PLEKHG4B: variants seen among roughly 807,000 people sequenced by gnomAD.
PLEKHG4B encodes pleckstrin homology and RhoGEF domain containing G4B.
PLEKHG4B carries 111 observed loss-of-function variants against 121.3 expected under a neutral mutation model. The ratio of observed to expected loss-of-function variants is 0.92; its 90% CI spans 0.78 to 1.07. The LOEUF (loss-of-function observed/expected upper bound fraction) is 1.07. Among genes scored for constraint, PLEKHG4B ranks in the 50% least tolerant of loss-of-function variants. The pLI is 0.00. For synonymous variants in PLEKHG4B, 738 were observed against 725.0 expected, an observed-to-expected ratio of 1.02 and a Z score of -0.29; for missense variants, 1,831 against 1,757.8, an observed-to-expected ratio of 1.04 and a Z score of -0.74.
At chr5:115,033 A>G (rs987942619) in intron 2 of PLEKHG4B, among the ~76,000 whole-genome samples, 2 of 152,238 alleles carry the variant, frequency 1.3e-5, no homozygotes, top group Non-Finnish European at 1.5e-5. Flanking sequence ...GAGGTTTACA[A>G]TGTGCTTTGC....
At chr5:93,602 C>T (rs919828977) in intron 1 of PLEKHG4B, among the ~76,000 whole-genome samples, 10 of 152,324 alleles carry the variant, frequency 6.6e-5, no homozygotes, top group Middle Eastern at 3.4e-3. Context: ...AGGCTTGACC[C>T]CGCAGGCAGC....
chr5:179,195 CAT>C (rs1736858139), intron 18 of PLEKHG4B, among the ~76,000 whole-genome samples: 1 of 152,158 alleles, frequency 6.6e-6, no homozygotes, highest in African/African-American at 2.4e-5. Flanking sequence ...TTGTAAAAGG[CAT>C]ATGTTTGATT....
Position 172,953 on chromosome 5 carries a change from C to T in PLEKHG4B, c.4107C>T (p.Cys1369=), listed in dbSNP as rs201243812. 4.3e-4 allele frequency: 700 copies of T among 1,613,974 alleles called. 4 individuals carry two copies. Among genetic ancestry groups the T allele is most frequent in the Non-Finnish European group, 1.5e-4 (174 of 1,180,022 alleles). ...LRCRDEFIVC[C]GRKKYLRHVF... is the part of the protein sequence containing the mutation. ...GCCGGGATGAGTTTATCGTTTGCTG[C>T]GGGAGGAAGAAGTATCTGAGGCATG... The change falls in exon 17 of 20, where the codon TGC becomes TGT. Residue 1369 remains cysteine, a synonymous_variant. Coordinates refer to ENST00000637938, the MANE Select transcript of PLEKHG4B (RefSeq NM_052909.5).
intron 1 of PLEKHG4B, among the ~76,000 whole-genome samples, chr5:105,232 C>T (rs567809993): frequency 6.6e-6 from 1 of 152,248 alleles, no homozygotes; most frequent in Non-Finnish European, 1.5e-5. Context: ...CTCCATGAGG[C>T]TGATTCCCGT....
chr5:155,201 T>C, intron 8 of PLEKHG4B, 144 bp from the exon 9 acceptor site: 1 of 850,574 alleles, frequency 1.2e-6, no homozygotes, highest in Non-Finnish European at 1.9e-6. Flanking sequence ...GCCCCGGAAG[T>C]GTCTGTAGAT....
chr5:173,464 G>A (rs895249659), intron 17 of PLEKHG4B, among the ~76,000 whole-genome samples: 11 of 152,122 alleles, frequency 7.2e-5, no homozygotes, highest in Admixed American at 7.2e-4. Flanking sequence ...TGAGGGAGGG[G>A]AGGTCCCTCC....
rs771283448 is a variant in PLEKHG4B at position 156,936 on chromosome 5, C to T, written c.2487+25C>T. ...GGTCAGAGCTGCAGGAGGAAGGCGG[C>T]CCGGTCAGCATCCCCTCCAGGCCAG... On this transcript the variant is annotated intron_variant, in intron 11 of 19. Coordinates refer to ENST00000637938, the MANE Select transcript of PLEKHG4B (RefSeq NM_052909.5). This position sits in a 1 kb window ranked among gnomAD's most constrained non-coding sequence, Gnocchi z 4.4. The T allele has an allele frequency of 6.2e-7, 1 of 1,608,684 alleles. No individual in the cohort carries two copies. The highest frequency in any genetic ancestry group is 8.5e-7 in the Non-Finnish European group (1 of 1,178,178).
chr5:135,395 G>T (rs1450865390), intron 2 of PLEKHG4B, among the ~76,000 whole-genome samples: 1 of 151,058 alleles, frequency 6.6e-6, no homozygotes, highest in African/African-American at 2.4e-5. Flanking sequence ...GGCCGGGTGT[G>T]GTGGCTCACG....
chr5:110,309 C>T (rs1468506338), intron 1 of PLEKHG4B, among the ~76,000 whole-genome samples: 1 of 149,460 alleles, frequency 6.7e-6, no homozygotes, highest in Admixed American at 6.6e-5. Flanking sequence ...ATCTGCAACA[C>T]ACGTGCACGC....
chr5:163,053 C>A lies in PLEKHG4B; in HGVS notation c.2981C>A (p.Pro994His). 5 of 1,559,934 alleles carry A rather than the reference C, an allele frequency of 3.2e-6. No individual in the cohort carries two copies. Among genetic ancestry groups the A allele is most frequent in the Non-Finnish European group, 4.3e-6 (5 of 1,152,020 alleles). ...MRRHQKPPSFPSTDSGGGAWE... is the reference protein window; with the variant it reads ...MRRHQKPPSFHSTDSGGGAWE... Reference sequence around the variant, plus strand: ...AGGCACCAGAAGCCACCCTCATTCCCCAGCACGGACAGTGGGGGTGGTGCC... The same window carrying A: ...AGGCACCAGAAGCCACCCTCATTCCACAGCACGGACAGTGGGGGTGGTGCC... Residue 994 changes from proline to histidine, a missense_variant, in exon 13 of 20, where the codon CCC becomes CAC. Physicochemically the swap from Pro to His is moderately conservative, Grantham distance 77. Transcript: ENST00000637938.
In PLEKHG4B at chr5:189,228, C is replaced by T. The variant is rs960277465; in HGVS notation, c.*6905C>T. The T allele has an allele frequency of 1.3e-5, 2 of 152,430 alleles. No homozygotes were observed. Among genetic ancestry groups the T allele is most frequent in the African/African-American group, 4.8e-5 (2 of 41,480 alleles). The allele number at this position is 152,430 out of a possible 1,614,324, so 9.4% of individuals were successfully genotyped here. A position where few individuals can be genotyped will look rare whatever the true frequency, so the allele number is the denominator to read the frequency against. On this transcript the variant is annotated 3_prime_UTR_variant, in exon 20 of 20. Coordinates refer to ENST00000637938, the MANE Select transcript of PLEKHG4B (RefSeq NM_052909.5). ...CCTGCCAGCTGCAGACCCCCATGCT[C>T]CTGCAGCCTGGAACCCTCCTGCCCT...
At chr5:160,929 C>T (rs1313097874) in intron 11 of PLEKHG4B, among the ~76,000 whole-genome samples, 1 of 152,166 alleles carries the variant, frequency 6.6e-6, no homozygotes, top group Non-Finnish European at 1.5e-5. Context: ...TTGACTCTGG[C>T]TCTGTTTACA....
chr5:145,002 T>C (rs1735359379), intron 6 of PLEKHG4B, 82 bp downstream of exon 6: 2 of 1,304,792 alleles, frequency 1.5e-6, no homozygotes, highest in South Asian at 1.3e-5. Flanking sequence ...ATCGTGGTTC[T>C]GGAGTAGCCA....
Position 162,751 on chromosome 5 carries a change from G to T in PLEKHG4B, c.2679G>T (p.Pro893=). Residue 893 remains proline, a synonymous_variant, in exon 13 of 20, where the codon CCG becomes CCT. Transcript: ENST00000637938. The part of the protein sequence containing the change: ...TVSSWMGPLD[P]EACPSSPVAE... ...GCAGCTGGATGGGGCCCCTGGACCC[G>T]GAGGCTTGTCCCTCCTCACCCGTGG... 6.8e-7 allele frequency: 1 copy of T among 1,462,490 alleles called. No individual in the cohort carries two copies. The highest frequency in any genetic ancestry group is 9.0e-7 in the Non-Finnish European group (1 of 1,106,420). 90.6% of individuals were successfully genotyped at this position (1,462,490 alleles called of 1,614,324 possible). A position where few individuals can be genotyped will look rare whatever the true frequency, so the allele number is the denominator to read the frequency against.
intron 18 of PLEKHG4B, 69 bp downstream of exon 18, chr5:174,167 G>C: frequency 2.4e-6 from 2 of 835,800 alleles, no homozygotes; most frequent in Non-Finnish European, 3.4e-6. Context: ...TCGGGGCTGG[G>C]ACTGGGGTGA....
Position 143,163 on chromosome 5 carries a change from C to A in PLEKHG4B, c.1594C>A (p.Pro532Thr). The A allele has an allele frequency of 6.2e-7, 1 of 1,612,234 alleles. No homozygotes were observed. Among genetic ancestry groups the A allele is most frequent in the Non-Finnish European group, 8.5e-7 (1 of 1,179,990 alleles). ...RQPHPEQEGW[P>T]PGTGDFPSQV... Reference sequence around the variant, plus strand: ...GCCACACCCCGAGCAAGAAGGGTGGCCACCCGGCACAGGAGACTTCCCCAG... The same window carrying A: ...GCCACACCCCGAGCAAGAAGGGTGGACACCCGGCACAGGAGACTTCCCCAG... The change falls in exon 4 of 20, where the codon CCA becomes ACA. Residue 532 changes from proline (P) to threonine (T), a missense_variant. Transcript: ENST00000637938.
intron 1 of PLEKHG4B, among the ~76,000 whole-genome samples, chr5:95,157 C>T (rs1733594254): frequency 6.6e-6 from 1 of 152,210 alleles, no homozygotes; most frequent in African/African-American, 2.4e-5. Context: ...TCACATTGTG[C>T]AAAAGAGATA....
chr5:162,986 C>T lies in PLEKHG4B; in HGVS notation c.2914C>T (p.Gln972Ter), dbSNP rs1249012756. Residue 972 changes from glutamine to a stop codon, truncating the protein, a stop_gained, in exon 13 of 20, where the codon CAG becomes TAG. Coordinates refer to ENST00000637938, the MANE Select transcript of PLEKHG4B (RefSeq NM_052909.5). LOFTEE classifies it high-confidence loss of function. ...APDPSLPPLA[Q>*]SPPKHERAQE... ...AGACCCCAGCTTACCGCCCCTTGCCCAGAGCCCCCCAAAGCATGAGCGTGC... is the reference window on the plus strand; with the variant it reads ...AGACCCCAGCTTACCGCCCCTTGCCTAGAGCCCCCCAAAGCATGAGCGTGC... The T allele has an allele frequency of 1.1e-5, 17 of 1,567,596 alleles. No individual in the cohort carries two copies. The highest frequency in any genetic ancestry group is 1.4e-5 in the Non-Finnish European group (16 of 1,156,236).
At chr5:169,799 G>A (rs1229956328) in intron 14 of PLEKHG4B, among the ~76,000 whole-genome samples, 4 of 152,236 alleles carry the variant, frequency 2.6e-5, no homozygotes, top group East Asian at 1.9e-4. Flanking sequence ...GGTGCTTTGC[G>A]CGTGGTGTGA....
Sources: allele counts gnomAD v4.1 joint callset (sites outside exome capture counted in the v4.1 genomes callset), GRCh38; gene constraint gnomAD v4.1.1; non-coding constraint Gnocchi (gnomAD v3.1); transcripts MANE v1.5; gene names NCBI Gene and HGNC (gene_info 2026-07-23, HGNC 2026-07-21).